AK5: variants seen among roughly 807,000 people sequenced by gnomAD.
AK5 encodes adenylate kinase isoenzyme 5.
Under a neutral mutation model 69.5 loss-of-function variants are expected in AK5, and 27 were observed. That is an observed-to-expected ratio of 0.39 (90% CI 0.29 to 0.54). The LOEUF (loss-of-function observed/expected upper bound fraction) is 0.54, where lower values mean the gene tolerates loss of function less well. Ranked by LOEUF, AK5 falls within the 20% of genes least tolerant of loss-of-function variation. The pLI is 0.71. For missense variants in AK5, 531 were observed against 700.4 expected (o/e 0.76, Z 2.73); for synonymous variants, 260 against 244.4 (o/e 1.06, Z -0.60).
intron 10 of AK5, among the ~76,000 whole-genome samples, chr1:77,511,407 A>G (rs1657339442): frequency 2.0e-5 from 3 of 152,250 alleles, no homozygotes; most frequent in Admixed American, 2.0e-4. Context: ...TCCAAACAGG[A>G]TAAAGAAGGA....
intron 8 of AK5, among the ~76,000 whole-genome samples, chr1:77,442,483 C>T (rs1012810148): frequency 6.6e-6 from 1 of 152,242 alleles, no homozygotes; most frequent in East Asian, 1.9e-4. Context: ...CTGCGATCCT[C>T]TTGCTTACTT....
intron 8 of AK5, among the ~76,000 whole-genome samples, chr1:77,467,591 T>G (rs1235798598): frequency 6.6e-6 from 1 of 152,204 alleles, no homozygotes; most frequent in Admixed American, 6.5e-5. Flanking sequence ...AAATATATAC[T>G]AATGTGTCAA....
intron 6 of AK5, among the ~76,000 whole-genome samples, chr1:77,372,050 T>C (rs1350151187): frequency 6.6e-6 from 1 of 152,194 alleles, no homozygotes; most frequent in Non-Finnish European, 1.5e-5. Flanking sequence ...TCCCAATTCT[T>C]ACTAATGCAA....
At chr1:77,431,383 C>T (rs1651628967) in intron 8 of AK5, among the ~76,000 whole-genome samples, 1 of 152,072 alleles carries the variant, frequency 6.6e-6, no homozygotes, top group Non-Finnish European at 1.5e-5. Flanking sequence ...CTTATAGGCG[C>T]TATACTGAGT....
At chr1:77,380,708 A>G (rs1053585342) in intron 6 of AK5, among the ~76,000 whole-genome samples, 4 of 152,236 alleles carry the variant, frequency 2.6e-5, no homozygotes, top group Admixed American at 1.3e-4. Flanking sequence ...AAGTCACTCA[A>G]CAGTCCTGGG....
At chr1:77,392,449 T>A (rs551016760) in intron 6 of AK5, among the ~76,000 whole-genome samples, 2 of 152,286 alleles carry the variant, frequency 1.3e-5, no homozygotes, top group East Asian at 3.9e-4. Context: ...GAGAAAGAAA[T>A]AAAATAACAC....
At chr1:77,483,710 G>T (rs915889018) in intron 9 of AK5, among the ~76,000 whole-genome samples, 2 of 152,170 alleles carry the variant, frequency 1.3e-5, no homozygotes, top group African/African-American at 4.8e-5. Context: ...CACAAGTCCT[G>T]CAGTAAAAAG....
chr1:77,437,698 G>A (rs935275620), intron 8 of AK5, among the ~76,000 whole-genome samples: 4 of 152,058 alleles, frequency 2.6e-5, no homozygotes, highest in African/African-American at 9.7e-5. Flanking sequence ...TTGAATTCCG[G>A]CAATAAATTT....
chr1:77,338,068 G>A (rs1661463189), intron 5 of AK5, among the ~76,000 whole-genome samples: 1 of 151,706 alleles, frequency 6.6e-6, no homozygotes, highest in Non-Finnish European at 1.5e-5. Flanking sequence ...GGGTTCAAGT[G>A]ATTCTCCTGT....
At chr1:77,326,045 A>C (rs540465013) in intron 5 of AK5, among the ~76,000 whole-genome samples, 1 of 152,190 alleles carries the variant, frequency 6.6e-6, no homozygotes, top group Non-Finnish European at 1.5e-5. Flanking sequence ...AACAAGATGC[A>C]CTAAAGATAT....
intron 6 of AK5, among the ~76,000 whole-genome samples, chr1:77,360,350 G>T (rs1230195893): frequency 1.3e-5 from 2 of 152,190 alleles, no homozygotes; most frequent in African/African-American, 4.8e-5. Flanking sequence ...GTCCAAAGTT[G>T]CTTCTCTGAG....
At chr1:77,381,711 A>C (rs752527228) in intron 6 of AK5, among the ~76,000 whole-genome samples, 1 of 152,084 alleles carries the variant, frequency 6.6e-6, no homozygotes, top group Non-Finnish European at 1.5e-5. Flanking sequence ...TTCCCAGGTA[A>C]CTCTATTTTA....
chr1:77,509,786 T>C (rs1024713633), intron 10 of AK5, among the ~76,000 whole-genome samples: 1 of 152,240 alleles, frequency 6.6e-6, no homozygotes, highest in Admixed American at 6.5e-5. Context: ...GTCCAACCTT[T>C]GTAAGCTCAT....
chr1:77,307,965 G>A (rs1659736666), intron 5 of AK5, among the ~76,000 whole-genome samples: 1 of 152,176 alleles, frequency 6.6e-6, no homozygotes, highest in Admixed American at 6.5e-5. Flanking sequence ...AGGGACGATG[G>A]TGGAGCTGTC....
At chr1:77,372,516 T>A (rs1458939957) in intron 6 of AK5, among the ~76,000 whole-genome samples, 1 of 152,226 alleles carries the variant, frequency 6.6e-6, no homozygotes, top group Non-Finnish European at 1.5e-5. Flanking sequence ...GAAAAAGAAG[T>A]ATGACTCTTA....
At chr1:77,494,406 T>C (rs1001479859) in intron 10 of AK5, among the ~76,000 whole-genome samples, 3 of 152,176 alleles carry the variant, frequency 2.0e-5, no homozygotes, top group African/African-American at 7.2e-5. Context: ...CAGGGGGCAG[T>C]AGCAGATGCT....
At chr1:77,347,946 G>A (rs1051693971) in intron 6 of AK5, among the ~76,000 whole-genome samples, 4 of 152,134 alleles carry the variant, frequency 2.6e-5, no homozygotes, top group East Asian at 1.9e-4. Flanking sequence ...CATCTCTCTC[G>A]AGGTTGGAAA....
chr1:77,470,875 AT>A (rs149758544), intron 8 of AK5, among the ~76,000 whole-genome samples: 4 of 74,966 alleles, frequency 5.3e-5, no homozygotes, highest in African/African-American at 2.0e-4. Context: ...ATATATATAT[AT>A]TTTTTTTTTT....
intron 10 of AK5, among the ~76,000 whole-genome samples, chr1:77,501,207 G>A (rs1346521114): frequency 6.6e-6 from 1 of 152,198 alleles, no homozygotes; most frequent in East Asian, 1.9e-4. Context: ...GCCCAGGAAC[G>A]GGAAGGAGAT....
Sources: gnomAD v4.1 joint callset for allele counts (sites outside exome capture counted in the v4.1 genomes callset) on GRCh38, gnomAD v4.1.1 for gene constraint, MANE v1.5 for transcripts, NCBI Gene and HGNC (gene_info 2026-07-23, HGNC 2026-07-21) for gene names.